The following RBPJ variants were observed in gnomAD, a reference collection of about 807,000 sequenced individuals.
RBPJ encodes recombining binding protein suppressor of hairless.
In RBPJ, 9 loss-of-function variants were observed where a neutral mutation model predicts 67.8. That is an observed-to-expected ratio of 0.13 (90% CI 0.08 to 0.23). RBPJ has a LOEUF of 0.23. Among genes scored for constraint, RBPJ ranks in the 10% least tolerant of loss-of-function variants. RBPJ has a pLI of 1.00. For missense variants in RBPJ, 305 were observed against 595.6 expected (o/e 0.51, Z 5.08); for synonymous variants, 198 against 203.3 (o/e 0.97, Z 0.22).
the RBPJ span, among the ~76,000 whole-genome samples, chr4:26,109,580 TATATATATATATATATATA>T: frequency 7.6e-4 from 31 of 40,760 alleles, 4 homozygotes; most frequent in African/African-American, 2.1e-3. Context: ...TCTCTCTCTC[TATATATATATATATATATA>T]CAGCCACTGT....
intron 1 of RBPJ, among the ~76,000 whole-genome samples, chr4:26,242,628 G>A (rs1197125813): frequency 6.9e-6 from 1 of 144,628 alleles, no homozygotes; most frequent in Non-Finnish European, 1.5e-5. Flanking sequence ...GGTGGATAAA[G>A]TTGCTGGCAC....
At chr4:26,225,701 GA>G (rs1039480275) in intron 1 of RBPJ, among the ~76,000 whole-genome samples, 45 of 152,102 alleles carry the variant, frequency 3.0e-4, no homozygotes, top group African/African-American at 9.4e-4. Context: ...TAGGGTGGGG[GA>G]AATATATGGG....
At chr4:26,326,496 AACACT>A (rs531510612) in intron 1 of RBPJ, among the ~76,000 whole-genome samples, 6 of 152,178 alleles carry the variant, frequency 3.9e-5, no homozygotes, top group Non-Finnish European at 8.8e-5. Flanking sequence ...TAAACCGTAG[AACACT>A]GTAGACTGCT....
the RBPJ span, among the ~76,000 whole-genome samples, chr4:26,142,538 T>G: frequency 8.4e-4 from 128 of 152,348 alleles, no homozygotes; most frequent in African/African-American, 3.0e-3. Flanking sequence ...GAGCTGGCTC[T>G]ATCGTGAAGG....
chr4:26,125,310 C>T, the RBPJ span, among the ~76,000 whole-genome samples: 2 of 152,224 alleles, frequency 1.3e-5, no homozygotes, highest in Non-Finnish European at 2.9e-5. Context: ...CTCCACCACA[C>T]ATACTTTTAT....
At chr4:26,234,632 C>T (rs1719393136) in intron 1 of RBPJ, among the ~76,000 whole-genome samples, 1 of 152,118 alleles carries the variant, frequency 6.6e-6, no homozygotes, top group African/African-American at 2.4e-5. Context: ...TTTACTTTTC[C>T]TTATCACCTT....
chr4:26,228,408 C>T (rs1218147386), intron 1 of RBPJ, among the ~76,000 whole-genome samples: 2 of 152,096 alleles, frequency 1.3e-5, no homozygotes, highest in African/African-American at 2.4e-5. Context: ...GGCATGTATC[C>T]GGTCTTGATG....
chr4:26,239,623 A>G (rs1719566921), intron 1 of RBPJ, among the ~76,000 whole-genome samples: 1 of 152,134 alleles, frequency 6.6e-6, no homozygotes, highest in African/African-American at 2.4e-5. Context: ...ATCCCAGGAT[A>G]CATTTTCAGA....
chr4:26,353,151 G>T (rs918889213), intron 1 of RBPJ, among the ~76,000 whole-genome samples: 2 of 152,094 alleles, frequency 1.3e-5, no homozygotes, highest in African/African-American at 4.8e-5. Context: ...TGTTGCTAAG[G>T]TTTTTTTCTT....
At chr4:26,420,851 T>G (rs1205350296) in intron 5 of RBPJ, 126 bp downstream of exon 5, 2 of 721,014 alleles carry the variant, frequency 2.8e-6, no homozygotes, top group African/African-American at 1.8e-5. Flanking sequence ...GTGGCCCTCT[T>G]TATTGTCTCT....
At chr4:26,253,343 GCT>G (rs1292847492) in intron 1 of RBPJ, among the ~76,000 whole-genome samples, 1 of 119,036 alleles carries the variant, frequency 8.4e-6, no homozygotes, top group East Asian at 2.3e-4. Context: ...ACGGAGTCTC[GCT>G]CTGTCGCCCA....
At chr4:26,320,743 C>A (rs776098449), upstream of RBPJ, 2 of 1,551,932 alleles carry the variant, frequency 1.3e-6, no homozygotes, top group Admixed American at 3.9e-5. Context: ...ACCCGGATAA[C>A]CGGAGCGCTC....
intron 1 of RBPJ, among the ~76,000 whole-genome samples, chr4:26,292,057 C>CT (rs1560247361): frequency 6.6e-6 from 1 of 150,666 alleles, no homozygotes; most frequent in African/African-American, 2.4e-5. Context: ...CACACTTTTA[C>CT]TTTTTTTAAT....
intron 1 of RBPJ, among the ~76,000 whole-genome samples, chr4:26,271,796 A>G (rs774518902): frequency 6.6e-6 from 1 of 152,174 alleles, no homozygotes; most frequent in Non-Finnish European, 1.5e-5. Flanking sequence ...AAGACCCATG[A>G]GTCTTCAACA....
chr4:26,169,193 T>C (rs1166027629), intron 1 of RBPJ, among the ~76,000 whole-genome samples: 1 of 152,108 alleles, frequency 6.6e-6, no homozygotes, highest in East Asian at 1.9e-4. Flanking sequence ...TTTCCCCATC[T>C]TTGTGGTTTT....
intron 1 of RBPJ, among the ~76,000 whole-genome samples, chr4:26,299,226 T>G (rs1220545295): frequency 6.6e-6 from 1 of 152,234 alleles, no homozygotes; most frequent in African/African-American, 2.4e-5. Context: ...CCTATGCGTT[T>G]CTCATTTTAT....
chr4:26,408,443 T>C (rs1309539143), intron 3 of RBPJ, among the ~76,000 whole-genome samples: 1 of 152,088 alleles, frequency 6.6e-6, no homozygotes, highest in Admixed American at 6.6e-5. Flanking sequence ...ATTTTTTTTT[T>C]CATAAATAAA....
At chr4:26,302,763 A>G (rs541132535) in intron 1 of RBPJ, among the ~76,000 whole-genome samples, 22 of 152,334 alleles carry the variant, frequency 1.4e-4, no homozygotes, top group Admixed American at 1.2e-3. Context: ...TGGAAGGATC[A>G]AATGAGATCA....
At chr4:26,319,097 G>A (rs1261934489), upstream of RBPJ, among the ~76,000 whole-genome samples, 2 of 151,838 alleles carry the variant, frequency 1.3e-5, no homozygotes, top group African/African-American at 2.4e-5. Flanking sequence ...GCCAGACTAG[G>A]TGACTCAAGG....
Sources: allele counts gnomAD v4.1 joint callset (sites outside exome capture counted in the v4.1 genomes callset), GRCh38; gene constraint gnomAD v4.1.1; transcripts MANE v1.5; gene names NCBI Gene and HGNC (gene_info 2026-07-23, HGNC 2026-07-21).